GALNT14: variants seen among roughly 807,000 people sequenced by gnomAD.
GALNT14 encodes polypeptide N-acetylgalactosaminyltransferase 14, also known as UDP-GalNAc:polypeptide N-acetylgalactosaminyltransferase 14.
In GALNT14, 60 loss-of-function variants were observed where a neutral mutation model predicts 77.5. The observed-to-expected ratio is 0.77, with a 90% CI of 0.63 to 0.96. GALNT14 has a LOEUF of 0.96. Ranked by LOEUF, GALNT14 falls within the 40% of genes least tolerant of loss-of-function variation. The pLI is 0.00. For synonymous variants in GALNT14, 280 were observed against 281.7 expected, an observed-to-expected ratio of 0.99 and a Z score of 0.06; for missense variants, 710 against 731.0, an observed-to-expected ratio of 0.97 and a Z score of 0.33.
downstream of GALNT14, among the ~76,000 whole-genome samples, chr2:30,908,248 T>C (rs1443402396): frequency 6.6e-6 from 1 of 152,032 alleles, no homozygotes; most frequent in Non-Finnish European, 1.5e-5. Flanking sequence ...GGGTATTCAA[T>C]TAGGAAAGGA....
chr2:30,967,516 G>A (rs567108934), intron 2 of GALNT14, among the ~76,000 whole-genome samples: 4 of 152,296 alleles, frequency 2.6e-5, no homozygotes, highest in Middle Eastern at 3.4e-3. Context: ...CTGGGCGTGG[G>A]TCATCCAGGA....
At chr2:31,111,636 T>C (rs1035494790) in intron 1 of GALNT14, among the ~76,000 whole-genome samples, 1 of 152,080 alleles carries the variant, frequency 6.6e-6, no homozygotes, top group Non-Finnish European at 1.5e-5. Context: ...TTATAGGGAG[T>C]CCTGGCGTCA....
intron 1 of GALNT14, among the ~76,000 whole-genome samples, chr2:31,130,845 C>T (rs528802844): frequency 2.0e-5 from 3 of 147,676 alleles, no homozygotes; most frequent in Non-Finnish European, 3.0e-5. Context: ...CTTCGGTATC[C>T]CAAAGGGGTT....
At chr2:30,904,565 C>T in the GALNT14 span, among the ~76,000 whole-genome samples, 5 of 152,244 alleles carry the variant, frequency 3.3e-5, no homozygotes, top group African/African-American at 1.2e-4. Flanking sequence ...GTCCTATGCC[C>T]ACGGAGTCTC....
chr2:31,049,126 T>G (rs1264043151), intron 1 of GALNT14, among the ~76,000 whole-genome samples: 1 of 152,208 alleles, frequency 6.6e-6, no homozygotes, highest in African/African-American at 2.4e-5. Flanking sequence ...GCCTAACACC[T>G]TGACCCACTT....
chr2:31,028,856 G>T (rs1405255374), intron 1 of GALNT14, among the ~76,000 whole-genome samples: 1 of 152,208 alleles, frequency 6.6e-6, no homozygotes, highest in Non-Finnish European at 1.5e-5. Flanking sequence ...AAGGTGAGGA[G>T]AAGGGAAGGA....
At chr2:30,949,361 T>C (rs978840944) in intron 6 of GALNT14, among the ~76,000 whole-genome samples, 8 of 152,138 alleles carry the variant, frequency 5.3e-5, no homozygotes, top group African/African-American at 1.7e-4. Flanking sequence ...TCTCCTCCTG[T>C]AGGCTAGGGG....
At chr2:31,078,818 C>T in intron 1 of GALNT14, 1 of 847,708 alleles carries the variant, frequency 1.2e-6, no homozygotes, top group Non-Finnish European at 1.6e-6. Context: ...AAGATGAAGG[C>T]AAGGGGCGAG....
At chr2:30,994,277 G>C (rs1184369965) in intron 1 of GALNT14, among the ~76,000 whole-genome samples, 1 of 152,162 alleles carries the variant, frequency 6.6e-6, no homozygotes, top group Non-Finnish European at 1.5e-5. Context: ...TGAGCTGAGA[G>C]CTGCCCATCC....
chr2:31,101,732 T>A (rs534931560), intron 1 of GALNT14, among the ~76,000 whole-genome samples: 6 of 152,198 alleles, frequency 3.9e-5, no homozygotes, highest in African/African-American at 1.4e-4. Context: ...TATTGTTGTT[T>A]TTTTCCCCAT....
At chr2:31,085,086 C>T (rs1467886626) in intron 1 of GALNT14, among the ~76,000 whole-genome samples, 1 of 152,020 alleles carries the variant, frequency 6.6e-6, no homozygotes, top group Non-Finnish European at 1.5e-5. Flanking sequence ...CAGTGTAGTA[C>T]TCCGTGCAGG....
chr2:30,968,908 CAGAGG>C (rs1176731810), intron 2 of GALNT14, among the ~76,000 whole-genome samples: 11 of 152,236 alleles, frequency 7.2e-5, no homozygotes, highest in Non-Finnish European at 1.2e-4. Context: ...CACTTAGGAG[CAGAGG>C]AGAGGGAGGG....
intron 1 of GALNT14, among the ~76,000 whole-genome samples, chr2:31,100,213 T>G (rs1677196822): frequency 6.6e-6 from 1 of 152,140 alleles, no homozygotes; most frequent in African/African-American, 2.4e-5. Context: ...TTAAGCACAA[T>G]GATGTACAAT....
rs556011252 is a variant in GALNT14 at position 30,939,342 on chromosome 2, G to T, written c.931+2859C>A. On this transcript the variant is annotated intron_variant, in intron 9 of 14. Coordinates refer to ENST00000349752, the MANE Select transcript of GALNT14 (RefSeq NM_024572.4). Reference sequence around the variant, plus strand: ...CAGGGCTGAGTCCTGTAGAGGGTCAGCTTCTGCAGCAGAGTAACTTTGGTG... The same window carrying T: ...CAGGGCTGAGTCCTGTAGAGGGTCATCTTCTGCAGCAGAGTAACTTTGGTG... 2.2e-4 allele frequency among the ~76,000 whole-genome samples: 33 copies of T among 152,314 alleles called. 1 individual carries two copies. In the South Asian group the frequency reaches 6.8e-3, roughly 32 times the overall value.
At chr2:31,101,851 G>GT (rs1677293670) in intron 1 of GALNT14, among the ~76,000 whole-genome samples, 1 of 151,998 alleles carries the variant, frequency 6.6e-6, no homozygotes, top group Admixed American at 6.6e-5. Context: ...CATAGTGGTG[G>GT]TTTCCCCCAT....
chr2:30,965,759 A>G (rs544155855), intron 3 of GALNT14, among the ~76,000 whole-genome samples: 2 of 152,148 alleles, frequency 1.3e-5, no homozygotes, highest in East Asian at 3.9e-4. Flanking sequence ...TCTGATTTGC[A>G]TGGCCCCTGG....
chr2:30,941,811 A>T (rs981345484), intron 9 of GALNT14, among the ~76,000 whole-genome samples: 1 of 152,082 alleles, frequency 6.6e-6, no homozygotes. Context: ...TTTCTCTTCA[A>T]GCTCCTTCCA....
chr2:31,059,248 T>C (rs1202323414), intron 1 of GALNT14, among the ~76,000 whole-genome samples: 1 of 152,220 alleles, frequency 6.6e-6, no homozygotes, highest in East Asian at 1.9e-4. Context: ...TTGTCATTAA[T>C]GAAAAAACAG....
At chr2:30,890,833 T>C in the GALNT14 span, among the ~76,000 whole-genome samples, 1 of 152,184 alleles carries the variant, frequency 6.6e-6, no homozygotes, top group Non-Finnish European at 1.5e-5. Context: ...GGCATCAGTA[T>C]GGTCCAGGCA....
Sources: allele counts gnomAD v4.1 joint callset (sites outside exome capture counted in the v4.1 genomes callset), GRCh38; gene constraint gnomAD v4.1.1; transcripts MANE v1.5; gene names NCBI Gene and HGNC (gene_info 2026-07-23, HGNC 2026-07-21).